SH3BGRL2: variants seen among roughly 807,000 people sequenced by gnomAD.
SH3BGRL2 encodes the protein SH3 domain binding glutamate rich protein like 2, also known as SH3 domain-binding glutamic acid-rich-like protein 2.
Under a neutral mutation model 14.8 loss-of-function variants are expected in SH3BGRL2, and 21 were observed. That is an observed-to-expected ratio of 1.42 (90% CI 1.01 to 2.05). SH3BGRL2 has a LOEUF of 2.05. Ranked by LOEUF, SH3BGRL2 falls within the 30% of genes most tolerant of loss-of-function variation. The pLI, the probability that SH3BGRL2 is intolerant of heterozygous loss-of-function variation, is 0.00. For missense variants in SH3BGRL2, 147 were observed against 130.8 expected (o/e 1.12, Z -0.61); for synonymous variants, 50 against 47.8 (o/e 1.05, Z -0.19).
At chr6:79,691,327 GTTTTGTTTTTGTTTTT>G (rs1582739881) in intron 2 of SH3BGRL2, among the ~76,000 whole-genome samples, 1 of 150,802 alleles carries the variant, frequency 6.6e-6, no homozygotes, top group African/African-American at 2.5e-5. Context: ...TTGTTTGTTT[GTTTTGTTTTTGTTTTT>G]TTTTGTTTTT....
chr6:79,642,849 T>C (rs1290438967), intron 1 of SH3BGRL2, among the ~76,000 whole-genome samples: 1 of 152,150 alleles, frequency 6.6e-6, no homozygotes, highest in Non-Finnish European at 1.5e-5. Context: ...TGAAGATGAA[T>C]GGAATTTCCT....
At chr6:79,542,877 AAAC>A in the SH3BGRL2 span, among the ~76,000 whole-genome samples, 3 of 152,326 alleles carry the variant, frequency 2.0e-5, no homozygotes, top group South Asian at 6.2e-4. Context: ...AAAACCATAT[AAAC>A]AACAGCAAAA....
the SH3BGRL2 span, among the ~76,000 whole-genome samples, chr6:79,590,422 GTGATATATATAT>G: frequency 8.6e-5 from 4 of 46,486 alleles, no homozygotes; most frequent in Admixed American, 1.2e-3. Flanking sequence ...TAAAGAAAAT[GTGATATATATAT>G]ATATATATAT....
chr6:79,560,955 A>C, the SH3BGRL2 span, among the ~76,000 whole-genome samples: 5 of 129,680 alleles, frequency 3.9e-5, no homozygotes, highest in South Asian at 1.2e-3. Flanking sequence ...ATCTCAGCTC[A>C]CCACAACCTC....
upstream of SH3BGRL2, among the ~76,000 whole-genome samples, chr6:79,630,293 C>A (rs1481193156): frequency 6.6e-6 from 1 of 152,150 alleles, no homozygotes; most frequent in Non-Finnish European, 1.5e-5. Context: ...CCAGAGACCT[C>A]ATCATCTAAT....
chr6:79,690,440 T>A (rs570370563), intron 2 of SH3BGRL2, among the ~76,000 whole-genome samples: 3 of 152,272 alleles, frequency 2.0e-5, no homozygotes, highest in Admixed American at 1.3e-4. Flanking sequence ...ACAGGGGCAA[T>A]TTCCAAATAA....
At chr6:79,599,617 C>A in the SH3BGRL2 span, among the ~76,000 whole-genome samples, 1 of 152,108 alleles carries the variant, frequency 6.6e-6, no homozygotes, top group Non-Finnish European at 1.5e-5. Flanking sequence ...GTGATCCACC[C>A]TATACCAGCT....
At chr6:79,653,243 C>T (rs982524419) in intron 1 of SH3BGRL2, among the ~76,000 whole-genome samples, 2 of 152,078 alleles carry the variant, frequency 1.3e-5, no homozygotes, top group Non-Finnish European at 2.9e-5. Context: ...CATCGATCCA[C>T]GTTACTAATA....
the SH3BGRL2 span, among the ~76,000 whole-genome samples, chr6:79,590,890 TA>T: frequency 6.6e-6 from 1 of 152,214 alleles, no homozygotes; most frequent in African/African-American, 2.4e-5. Flanking sequence ...CAAACATTTT[TA>T]ATCCAATGCA....
chr6:79,643,807 G>A (rs1310098179), intron 1 of SH3BGRL2, among the ~76,000 whole-genome samples: 1 of 152,208 alleles, frequency 6.6e-6, no homozygotes, highest in Non-Finnish European at 1.5e-5. Flanking sequence ...GACTTCAGAA[G>A]TTAAAGGAAA....
chr6:79,574,528 G>C, the SH3BGRL2 span: 1 of 151,988 alleles, frequency 6.6e-6, no homozygotes, highest in African/African-American at 2.4e-5. Flanking sequence ...AAAATATTCT[G>C]GTTTTCTTCT....
chr6:79,602,368 A>G, the SH3BGRL2 span, among the ~76,000 whole-genome samples: 1 of 152,192 alleles, frequency 6.6e-6, no homozygotes, highest in Non-Finnish European at 1.5e-5. Context: ...GTGACATTCT[A>G]AAAACAAGAG....
At chr6:79,663,733 G>C (rs55781748) in intron 1 of SH3BGRL2, among the ~76,000 whole-genome samples, 11,950 of 152,318 alleles carry the variant, frequency 0.078, 611 homozygotes, top group Non-Finnish European at 0.11. Flanking sequence ...GTCTGCAGAA[G>C]TTTCTGCTGC....
At chr6:79,687,469 T>TTGGATTTGCTCATATTTTTG (rs1237795912) in intron 2 of SH3BGRL2, among the ~76,000 whole-genome samples, 1 of 152,196 alleles carries the variant, frequency 6.6e-6, no homozygotes, top group Non-Finnish European at 1.5e-5. Context: ...ATTCTCACCT[T>TTGGATTTGCTCATATTTTTG]TGGATTTGCT....
At chr6:79,663,999 C>CT (rs1212225063) in intron 1 of SH3BGRL2, among the ~76,000 whole-genome samples, 1 of 152,218 alleles carries the variant, frequency 6.6e-6, no homozygotes, top group Non-Finnish European at 1.5e-5. Flanking sequence ...ATCTCCTAGT[C>CT]TGTCAGTTGC....
At chr6:79,680,016 C>G (rs1490987090) in intron 2 of SH3BGRL2, among the ~76,000 whole-genome samples, 9 of 152,072 alleles carry the variant, frequency 5.9e-5, no homozygotes, top group Non-Finnish European at 1.2e-4. Context: ...AAATATTTTC[C>G]TCCACTCCAT....
the SH3BGRL2 span, among the ~76,000 whole-genome samples, chr6:79,545,860 AAAC>A: frequency 3.0e-4 from 46 of 152,298 alleles, no homozygotes; most frequent in Admixed American, 8.5e-4. Flanking sequence ...TTGTTTTTTT[AAAC>A]AACAACAACA....
intron 1 of SH3BGRL2, among the ~76,000 whole-genome samples, chr6:79,665,871 C>A (rs1769650421): frequency 1.3e-5 from 2 of 152,186 alleles, no homozygotes; most frequent in Admixed American, 1.3e-4. Flanking sequence ...TGTAAGTCAG[C>A]CTCTTTATCC....
chr6:79,596,352 T>C, the SH3BGRL2 span, among the ~76,000 whole-genome samples: 2 of 151,940 alleles, frequency 1.3e-5, no homozygotes, highest in Non-Finnish European at 2.9e-5. Flanking sequence ...TAGAGATGGG[T>C]TCTCACTATA....
Sources: gnomAD v4.1 joint callset for allele counts (sites outside exome capture counted in the v4.1 genomes callset) on GRCh38, gnomAD v4.1.1 for gene constraint, MANE v1.5 for transcripts, NCBI Gene and HGNC (gene_info 2026-07-23, HGNC 2026-07-21) for gene names.